ARID4B: variants seen among roughly 807,000 people sequenced by gnomAD.
The protein encoded by ARID4B is AT-rich interaction domain 4B.
A neutral mutation model predicts 147.5 loss-of-function variants in ARID4B; 26 were observed. The observed-to-expected ratio is 0.18, with a 90% confidence interval of 0.13 to 0.24. The LOEUF is 0.24. ARID4B is among the 10% of genes least tolerant of loss of function. The pLI, the probability that ARID4B is intolerant of heterozygous loss-of-function variation, is 1.00. For missense variants in ARID4B, 1,179 were observed against 1,511.5 expected, an observed-to-expected ratio of 0.78 and a Z score of 3.65; for synonymous variants, 512 against 507.9, an observed-to-expected ratio of 1.01 and a Z score of -0.11.
At chr1:235,319,473 T>C (rs1465874410) in intron 2 of ARID4B, among the ~76,000 whole-genome samples, 1 of 152,198 alleles carries the variant, frequency 6.6e-6, no homozygotes, top group East Asian at 1.9e-4. Context: ...ATTGCGCCAC[T>C]ACACTCCTGC....
At chr1:235,218,859 AAAT>A (rs1304690810) in intron 16 of ARID4B, among the ~76,000 whole-genome samples, 1 of 148,692 alleles carries the variant, frequency 6.7e-6, no homozygotes, top group Non-Finnish European at 1.5e-5. Context: ...TCAGTACGCT[AAAT>A]GATTTTTTTT....
In ARID4B at chr1:235,328,139, G is replaced by A. The variant is rs1420120278; in HGVS notation, c.-420C>T. 1 of 153,008 alleles carries A rather than the reference G, an allele frequency of 6.5e-6. No homozygotes were observed. Among genetic ancestry groups the A allele is most frequent in the African/African-American group, 2.4e-5 (1 of 41,388 alleles). 9.5% of individuals were successfully genotyped at this position (153,008 alleles called of 1,614,324 possible). On this transcript the variant is annotated 5_prime_UTR_variant, in exon 1 of 24. Coordinates refer to ENST00000264183, the MANE Select transcript of ARID4B (RefSeq NM_016374.6). ...AGCTCAAGAGTCTCCCTCCGCTTCG[G>A]CGACCGAGCTCCTCACTCCGGACTC... is the stretch of plus-strand genomic sequence containing the variant.
intron 2 of ARID4B, among the ~76,000 whole-genome samples, chr1:235,288,427 G>A (rs1045609580): frequency 1.3e-5 from 2 of 152,002 alleles, no homozygotes; most frequent in Non-Finnish European, 2.9e-5. Flanking sequence ...ACACGTACAT[G>A]TATCCATATT....
chr1:235,235,893 T>G (rs780278200), intron 8 of ARID4B, among the ~76,000 whole-genome samples: 3 of 152,002 alleles, frequency 2.0e-5, no homozygotes, highest in Non-Finnish European at 4.4e-5. Flanking sequence ...ACTCAGTGCA[T>G]GGTAGTTATT....
intron 19 of ARID4B, among the ~76,000 whole-genome samples, chr1:235,188,313 C>T (rs984566679): frequency 6.6e-6 from 1 of 152,106 alleles, no homozygotes; most frequent in Non-Finnish European, 1.5e-5. Context: ...AAACCTCATA[C>T]CAGCAGTGAG....
chr1:235,182,310 T>G lies in ARID4B; in HGVS notation c.2609A>C (p.Lys870Thr), dbSNP rs147307553. The change falls in exon 20 of 24, where the codon AAA becomes ACA. Residue 870 changes from lysine to threonine, a missense_variant. Lys to Thr is a moderately conservative substitution (Grantham distance 78). This residue lies in a region of ARID4B where 321 missense variants were observed against 342.4 expected (regional missense o/e 0.94). Coordinates refer to ENST00000264183, the MANE Select transcript of ARID4B (RefSeq NM_016374.6). The stretch of plus-strand genomic sequence containing the variant: ...TTTCTTAGTTGGTGTCATCTTTGCT[T>G]TTGTTTCTTCTTCATCTTCATCTGA... ...SSSDEDEEET[K>T]AKMTPTKKYN... The G allele has an allele frequency of 1.2e-6, 2 of 1,614,018 alleles. No homozygotes were observed. Among genetic ancestry groups the G allele is most frequent in the Non-Finnish European group, 1.7e-6 (2 of 1,180,004 alleles).
chr1:235,302,274 G>GGGA (rs1329106310), intron 2 of ARID4B, among the ~76,000 whole-genome samples: 3 of 131,022 alleles, frequency 2.3e-5, no homozygotes, highest in African/African-American at 6.2e-5. Context: ...AAGGGAGGGA[G>GGGA]GGGAGGAAGG....
intron 2 of ARID4B, among the ~76,000 whole-genome samples, chr1:235,277,587 C>A (rs904875459): frequency 7.6e-6 from 1 of 132,168 alleles, no homozygotes; most frequent in Admixed American, 7.6e-5. Flanking sequence ...ATTTTTAATG[C>A]CTTATATTGT....
chr1:235,200,505 A>G (rs569555652), intron 17 of ARID4B, among the ~76,000 whole-genome samples: 23 of 152,250 alleles, frequency 1.5e-4, no homozygotes, highest in Non-Finnish European at 2.2e-4. Context: ...TGAAAACCCC[A>G]TATTTCCTAC....
chr1:235,189,983 A>G (rs761331789), intron 19 of ARID4B: 3 of 154,388 alleles, frequency 1.9e-5, no homozygotes, highest in Admixed American at 6.5e-5. Flanking sequence ...GAAAGACAGA[A>G]GTTGCTAGAA....
chr1:235,238,510 C>T (rs759140494), intron 8 of ARID4B, among the ~76,000 whole-genome samples: 11 of 152,078 alleles, frequency 7.2e-5, no homozygotes, highest in Admixed American at 2.0e-4. Context: ...TGTTTATCAG[C>T]GGATCTTCAG....
intron 17 of ARID4B, among the ~76,000 whole-genome samples, chr1:235,208,605 C>A (rs1276538053): frequency 6.6e-6 from 1 of 151,996 alleles, no homozygotes; most frequent in Non-Finnish European, 1.5e-5. Flanking sequence ...CAGGTTCGAG[C>A]GATTCTCCTG....
intron 2 of ARID4B, among the ~76,000 whole-genome samples, chr1:235,277,042 C>T (rs1274904254): frequency 1.3e-5 from 2 of 150,948 alleles, no homozygotes; most frequent in South Asian, 2.1e-4. Flanking sequence ...TATGCTTTTG[C>T]CAAGAAAAAC....
chr1:235,179,762 T>C (rs1664164456), intron 20 of ARID4B, among the ~76,000 whole-genome samples: 1 of 151,798 alleles, frequency 6.6e-6, no homozygotes, highest in Admixed American at 6.6e-5. Flanking sequence ...ATAATAAGGA[T>C]ACAACCTCTT....
At chr1:235,286,162 G>A (rs1671960411) in intron 2 of ARID4B, among the ~76,000 whole-genome samples, 1 of 152,064 alleles carries the variant, frequency 6.6e-6, no homozygotes, top group South Asian at 2.1e-4. Context: ...AGCCTCCCAA[G>A]TAGCTAGAAC....
intron 7 of ARID4B, among the ~76,000 whole-genome samples, chr1:235,241,966 T>C (rs569720889): frequency 6.6e-6 from 1 of 151,990 alleles, no homozygotes; most frequent in African/African-American, 2.4e-5. Flanking sequence ...TGAATAGAAG[T>C]ACTGTACTTT....
intron 17 of ARID4B, among the ~76,000 whole-genome samples, chr1:235,207,684 T>C (rs1382876327): frequency 1.3e-5 from 2 of 152,126 alleles, no homozygotes; most frequent in South Asian, 2.1e-4. Context: ...ATTTGGCACA[T>C]AGTGGGTATT....
At chr1:235,230,490 C>T (rs1414189359) in intron 10 of ARID4B, among the ~76,000 whole-genome samples, 1 of 150,996 alleles carries the variant, frequency 6.6e-6, no homozygotes, top group African/African-American at 2.4e-5. Context: ...TTCTACCATT[C>T]CCAGAAACTA....
At position 235,240,389 on chromosome 1, in the gene ARID4B, T is replaced by C. The variant is rs74952493; in HGVS notation, c.509A>G (p.Asp170Gly). Residue 170 changes from aspartate to glycine, a missense_variant, in exon 8 of 24, where the codon GAT becomes GGT. By Grantham distance (94) the Asp-to-Gly change is moderately conservative. Around this residue, in one of 10 missense-constraint regions of ARID4B, gnomAD observed 159 missense variants for 190.5 expected, o/e 0.83. Coordinates refer to ENST00000264183, the MANE Select transcript of ARID4B (RefSeq NM_016374.6). ...ACATACAACTTTGCCTAGTAGCTCA[T>C]CAATCTGTTTCCTATCATCCTCATC... ...DEDEDDRKQI[D>G]ELLGKVVCVD... 1.9e-6 allele frequency: 3 copies of C among 1,613,528 alleles called. No homozygotes were observed. The highest frequency in any genetic ancestry group is 2.5e-6 in the Non-Finnish European group (3 of 1,179,602).
Sources: gnomAD v4.1 joint callset for allele counts (sites outside exome capture counted in the v4.1 genomes callset) on GRCh38, gnomAD v4.1.1 for gene constraint, gnomAD v4.1.1 regional missense constraint, MANE v1.5 for transcripts, NCBI Gene and HGNC (gene_info 2026-07-23, HGNC 2026-07-21) for gene names.